PLXNB3: variants seen among roughly 807,000 people sequenced by gnomAD.
The protein encoded by PLXNB3 is plexin B3, also known as plexin-B3.
Under a neutral mutation model 125.7 loss-of-function variants are expected in PLXNB3, and 80 were observed. The observed-to-expected ratio is 0.64, with a 90% confidence interval of 0.53 to 0.77. The LOEUF is 0.77. Ranked by LOEUF, PLXNB3 falls within the 30% of genes least tolerant of loss-of-function variation. The probability of loss-of-function intolerance (pLI) is 0.00; values close to 1 mark genes in which losing one functional copy is unlikely to be tolerated. For synonymous variants in PLXNB3, 954 were observed against 783.3 expected, an observed-to-expected ratio of 1.22 and a Z score of -3.64; for missense variants, 1,836 against 1,729.3, an observed-to-expected ratio of 1.06 and a Z score of -1.09.
At chrX:153,767,976 A>AGGGGTGCCTGCCCATGG in intron 3 of PLXNB3, 63 bp downstream of exon 3, 4 of 1,043,616 alleles carry the variant, frequency 3.8e-6, no homozygotes, top group Non-Finnish European at 5.0e-6. Flanking sequence ...AGCACTGGAC[A>AGGGGTGCCTGCCCATGG]GGGGTGCCTG....
Position 153,773,358 on chromosome X carries a change from C to T in PLXNB3, c.3035C>T (p.Thr1012Ile). Residue 1012 changes from threonine to isoleucine, a missense_variant, in exon 18 of 36, where the codon ACC becomes ATC. Physicochemically the swap from Thr to Ile is moderately conservative, Grantham distance 89. Transcript: ENST00000361971. ...CTGCTCGCCAGCCCCTTCCGCTACA[C>T]CGCCAACCCCCAGCTTGTAGCGGCG... is the stretch of plus-strand genomic sequence containing the variant. ...RTLLASPFRYTANPQLVAAEP... is the reference protein window; with the variant it reads ...RTLLASPFRYIANPQLVAAEP... 8.3e-7 allele frequency: 1 copy of T among 1,208,142 alleles called. No individual in the cohort carries two copies. The highest frequency in any genetic ancestry group is 1.1e-6 in the Non-Finnish European group (1 of 893,933).
Position 153,768,443 on chromosome X carries a change from T to C in PLXNB3, c.1266+15T>C, listed in dbSNP as rs1199350222. 2 of 1,178,865 alleles carry C rather than the reference T, an allele frequency of 1.7e-6. No homozygotes were observed. Among genetic ancestry groups the C allele is most frequent in the East Asian group, 3.1e-5 (1 of 32,730 alleles). On this transcript the variant is annotated intron_variant, in intron 4 of 35. Transcript: ENST00000361971. The stretch of plus-strand genomic sequence containing the variant: ...AGCTGTACAAGGTGAGGGCCCGGCC[T>C]TGCTGTCCGGCTGGGTGTGCCCCTG...
Position 153,775,022 on chromosome X carries a change from G to A in PLXNB3, c.4074G>A (p.Gly1358=), listed in dbSNP as rs372383358. The A allele has an allele frequency of 8.3e-7, 1 of 1,208,171 alleles. No individual in the cohort carries two copies. Among genetic ancestry groups the A allele is most frequent in the African/African-American group, 1.7e-5 (1 of 57,767 alleles). ...TGCAGCCCAAGCCTGAGGGGCCAGG[G>A]GAGGACGGCCACTGTGCCACTGTGC... ...CPLQPKPEGP[G]EDGHCATVRQ... The change falls in exon 24 of 36, where the codon GGG becomes GGA. Residue 1358 remains glycine, a synonymous_variant. Transcript: ENST00000361971.
rs183985936 is a variant in PLXNB3, at chrX:153,768,930, C to A, written c.1267-18C>A. ...CTTTGGCCATCTGGCCCAGCCTCGT[C>A]CTTGTCCCCCCACTCAGGTCTTTCT... On this transcript the variant is annotated intron_variant, in intron 4 of 35. Transcript: ENST00000361971. 488 of 1,206,430 alleles carry A rather than the reference C, an allele frequency of 4.0e-4. 3 individuals are homozygous for A. In the East Asian group the frequency reaches 0.012, roughly 30 times the overall value.
rs782738305 is a variant in PLXNB3 at position 153,773,621 on chromosome X, G to A, written c.3187G>A (p.Ala1063Thr). 1.5e-5 allele frequency: 18 copies of A among 1,202,637 alleles called. No homozygotes were observed. In the East Asian group the frequency reaches 3.3e-4, roughly 22 times the overall value. The stretch of plus-strand genomic sequence containing the variant: ...TGACGCAGAGGTGCAGGCTTCCAGG[G>A]CCCAGCCCCAGGACCCACAGCCAAG... ...EADAEVQASR[A>T]QPQDPQPRRS... Residue 1063 changes from alanine to threonine, a missense_variant, in exon 19 of 36, where the codon GCC (alanine) becomes ACC (threonine). Transcript: ENST00000361971.
chrX:153,773,444 A>G, intron 18 of PLXNB3, 38 bp downstream of exon 18: 1 of 1,186,306 alleles, frequency 8.4e-7, no homozygotes, highest in Non-Finnish European at 1.1e-6. Flanking sequence ...TGCACCACGC[A>G]GGAGGGAAGG....
In PLXNB3 at chrX:153,770,845, C is replaced by T. The variant is rs1557061544; in HGVS notation, c.2098C>T (p.His700Tyr). The part of the protein sequence containing the change: ...PHLVPVGWES[H>Y]LALRVRNLQH... Reference sequence around the variant, plus strand: ...CCTGGTGCCTGTGGGCTGGGAGAGCCATTTGGCCCTACGCGTGCGGAACCT... The same window carrying T: ...CCTGGTGCCTGTGGGCTGGGAGAGCTATTTGGCCCTACGCGTGCGGAACCT... Residue 700 changes from histidine to tyrosine, a missense_variant, in exon 11 of 36, where the codon CAT becomes TAT. Physicochemically the swap from His to Tyr is moderately conservative, Grantham distance 83. Transcript: ENST00000361971. 1 of 1,209,184 alleles carries T rather than the reference C, an allele frequency of 8.3e-7. No individual in the cohort carries two copies. The highest frequency in any genetic ancestry group is 3.0e-5 in the East Asian group (1 of 33,795).
Position 153,775,341 on chromosome X carries a change from G to T in PLXNB3, c.4272G>T (p.Arg1424Ser), listed in dbSNP as rs781811393. 1 of 1,210,517 alleles carries T rather than the reference G, an allele frequency of 8.3e-7. No individual in the cohort carries two copies. Among genetic ancestry groups the T allele is most frequent in the South Asian group, 1.8e-5 (1 of 56,861 alleles). ...GKLEYLTDIMRTLLGDLAAHY... is the reference protein window; with the variant it reads ...GKLEYLTDIMSTLLGDLAAHY... ...TGGAGTACCTGACGGACATCATGAG[G>T]ACCCTGCTGGGTGACCTGGCGGCCC... Residue 1424 changes from arginine (R) to serine (S), a missense_variant, in exon 25 of 36, where the codon AGG becomes AGT. Coordinates refer to ENST00000361971, the MANE Select transcript of PLXNB3 (RefSeq NM_005393.3).
Position 153,775,242 on chromosome X carries a change from G to A in PLXNB3, c.4173G>A (p.Glu1391=). Reference sequence around the variant, plus strand: ...CTGCTCAGCTCATCCACACCCTGGAGGAGCAGCCCAGCTTTTCCCAGAGGG... The same window carrying A: ...CTGCTCAGCTCATCCACACCCTGGAAGAGCAGCCCAGCTTTTCCCAGAGGG... ...LFLLTLIHTL[E]EQPSFSQRDR... is the part of the protein sequence containing the mutation. Residue 1391 remains glutamate, a synonymous_variant, in exon 25 of 36, where the codon GAG becomes GAA. Transcript: ENST00000361971. 4 of 1,190,110 alleles carry A rather than the reference G, an allele frequency of 3.4e-6. No individual in the cohort carries two copies. In the South Asian group the frequency reaches 5.6e-5, roughly 17 times the overall value.
intron 16 of PLXNB3, 185 bp from the exon 17 acceptor site, chrX:153,772,701 G>A: frequency 9.7e-7 from 1 of 1,027,015 alleles, no homozygotes; most frequent in Non-Finnish European, 1.2e-6. Flanking sequence ...TGCGGCAGGG[G>A]TGGGTGGGAG....
rs1056227012 is a variant in PLXNB3 at position 153,778,026 on chromosome X, C to T, written c.5340C>T (p.Asp1780=). The stretch of plus-strand genomic sequence containing the variant: ...ATGTACGGGTGTCGGACAATGTGGA[C>T]GCCATCCTTGCTGTCATCGCCCAGA... ...IFDVRVSDNV[D]AILAVIAQTF... The change falls in exon 32 of 36, where the codon GAC becomes GAT. Residue 1780 remains aspartate, a synonymous_variant. Coordinates refer to ENST00000361971, the MANE Select transcript of PLXNB3 (RefSeq NM_005393.3). 9.1e-6 allele frequency: 11 copies of T among 1,211,743 alleles called. No individual in the cohort carries two copies. The highest frequency in any genetic ancestry group is 1.8e-5 in the South Asian group (1 of 57,044).
At chrX:153,771,809 G>A in intron 14 of PLXNB3, 55 bp from the exon 15 acceptor site, 8 of 1,176,269 alleles carry the variant, frequency 6.8e-6, no homozygotes, top group Non-Finnish European at 9.1e-6. Flanking sequence ...ACCCAGCACT[G>A]CAGAGTGGAG....
At position 153,767,052 on chromosome X, in the gene PLXNB3, C is replaced by A. The variant is rs782570670; in HGVS notation, c.225C>A (p.Phe75Leu). ...TLYVGAVNRL[F>L]QLSPELQLEA... Reference sequence around the variant, plus strand: ...ATGTCGGCGCAGTGAACCGCCTCTTCCAGCTCAGCCCCGAGCTGCAGCTCG... The same window carrying A: ...ATGTCGGCGCAGTGAACCGCCTCTTACAGCTCAGCCCCGAGCTGCAGCTCG... The change falls in exon 3 of 36, where the codon TTC (phenylalanine) becomes TTA (leucine). Residue 75 changes from phenylalanine (F) to leucine (L), a missense_variant. Coordinates refer to ENST00000361971, the MANE Select transcript of PLXNB3 (RefSeq NM_005393.3). 18 of 1,209,856 alleles carry A rather than the reference C, an allele frequency of 1.5e-5. No individual in the cohort carries two copies. The highest frequency in any genetic ancestry group is 2.0e-5 in the Non-Finnish European group (18 of 895,299).
At chrX:153,775,721 T>G in intron 26 of PLXNB3, 61 bp downstream of exon 26, 3 of 1,120,225 alleles carry the variant, frequency 2.7e-6, no homozygotes, top group Non-Finnish European at 3.7e-6. Context: ...CCTCTTGCCA[T>G]GAGGGGGCTA....
chrX:153,772,112 G>A (rs1378881292), intron 15 of PLXNB3, 70 bp from the exon 16 acceptor site: 4 of 873,959 alleles, frequency 4.6e-6, no homozygotes, highest in East Asian at 1.8e-4. Context: ...GGGGCACTCG[G>A]GTCAGGGGAG....
rs140301774 is a variant in PLXNB3 at position 153,774,513 on chromosome X, G to A, written c.3772G>A (p.Val1258Met). Residue 1258 changes from valine to methionine, a missense_variant, in exon 22 of 36, where the codon GTG becomes ATG. Physicochemically the swap from Val to Met is conservative, Grantham distance 21. Coordinates refer to ENST00000361971, the MANE Select transcript of PLXNB3 (RefSeq NM_005393.3). ...CTTTCCCGTGGAGGCCCAGGCAGGCGTGGGCATGGGTGCTGCAGTGCTGAT... is the reference window on the plus strand; with the variant it reads ...CTTTCCCGTGGAGGCCCAGGCAGGCATGGGCATGGGTGCTGCAGTGCTGAT... ...SAFPVEAQAGVGMGAAVLIAA... is the reference protein window; with the variant it reads ...SAFPVEAQAGMGMGAAVLIAA... The A allele has an allele frequency of 1.5e-5, 18 of 1,207,096 alleles. No homozygotes were observed. In the African/African-American group the frequency reaches 2.1e-4, roughly 14 times the overall value.
chrX:153,778,606 A>G lies in PLXNB3; in HGVS notation c.5557A>G (p.Thr1853Ala), dbSNP rs1557065407. The G allele has an allele frequency of 8.3e-7, 1 of 1,202,904 alleles. No homozygotes were observed. Among genetic ancestry groups the G allele is most frequent in the Non-Finnish European group, 1.1e-6 (1 of 890,325 alleles). Reference protein sequence around the residue: ...SALAELSGNYTSAPHCLEALQ... With the variant: ...SALAELSGNYASAPHCLEALQ... ...CTCCACGTGGTGCCCCCAGAACTACACTTCTGCTCCCCACTGTCTGGAGGC... is the reference window on the plus strand; with the variant it reads ...CTCCACGTGGTGCCCCCAGAACTACGCTTCTGCTCCCCACTGTCTGGAGGC... Residue 1853 changes from threonine (T) to alanine (A), a missense_variant, in exon 35 of 36, where the codon ACT becomes GCT. Thr to Ala is a moderately conservative substitution (Grantham distance 58). Coordinates refer to ENST00000361971, the MANE Select transcript of PLXNB3 (RefSeq NM_005393.3).
At chrX:153,765,717 G>A (rs1352510975) in intron 2 of PLXNB3, 137 bp downstream of exon 2, 11 of 1,136,912 alleles carry the variant, frequency 9.7e-6, no homozygotes, top group Middle Eastern at 3.4e-4. Context: ...CCCGGGGTCC[G>A]CAGGAAGTGT....
At chrX:153,769,444 C>G (rs956782327) in intron 6 of PLXNB3, among the ~76,000 whole-genome samples, 182 bp downstream of exon 6, 8 of 112,341 alleles carry the variant, frequency 7.1e-5, no homozygotes, top group South Asian at 7.3e-4. Flanking sequence ...TGGCACCCCC[C>G]TTTTCCGACA....
Sources: allele counts gnomAD v4.1 joint callset (sites outside exome capture counted in the v4.1 genomes callset), GRCh38; gene constraint gnomAD v4.1.1; transcripts MANE v1.5; gene names NCBI Gene and HGNC (gene_info 2026-07-23, HGNC 2026-07-21).